The following KIAA1549L variants were observed in gnomAD, a reference collection of about 807,000 sequenced individuals.
KIAA1549L encodes the protein UPF0606 protein KIAA1549L.
Under a neutral mutation model 160.7 loss-of-function variants are expected in KIAA1549L, and 88 were observed. The ratio of observed to expected loss-of-function variants is 0.55; its 90% CI spans 0.46 to 0.65. The LOEUF is 0.65. Ranked by LOEUF, KIAA1549L falls within the 30% of genes least tolerant of loss-of-function variation. KIAA1549L has a pLI of 0.00. For synonymous variants in KIAA1549L, 950 were observed against 976.7 expected (o/e 0.97, Z 0.51); for missense variants, 2,258 against 2,437.5 (o/e 0.93, Z 1.55).
At chr11:33,646,910 CAA>C (rs780356890) in intron 17 of KIAA1549L, among the ~76,000 whole-genome samples, 1 of 141,176 alleles carries the variant, frequency 7.1e-6, no homozygotes, top group African/African-American at 2.6e-5. Flanking sequence ...TTTTAGAGAC[CAA>C]AAAAAAAAAA....
intron 11 of KIAA1549L, among the ~76,000 whole-genome samples, chr11:33,585,248 G>T (rs1414691677): frequency 1.3e-5 from 2 of 152,212 alleles, no homozygotes; most frequent in African/African-American, 2.4e-5. Flanking sequence ...GCCGGGCGCG[G>T]TGGCTCACGC....
chr11:33,585,885 T>C (rs1323338512), intron 11 of KIAA1549L, among the ~76,000 whole-genome samples: 1 of 152,208 alleles, frequency 6.6e-6, no homozygotes, highest in South Asian at 2.1e-4. Context: ...CAAATTTATG[T>C]TCCATGAGTT....
At chr11:33,490,955 A>T (rs1294260787) in intron 1 of KIAA1549L, among the ~76,000 whole-genome samples, 2 of 152,210 alleles carry the variant, frequency 1.3e-5, no homozygotes, top group Non-Finnish European at 2.9e-5. Flanking sequence ...TACTTGTATG[A>T]CAAATAGAAT....
At chr11:33,611,756 C>T (rs1052333623) in intron 15 of KIAA1549L, among the ~76,000 whole-genome samples, 6 of 152,026 alleles carry the variant, frequency 3.9e-5, no homozygotes, top group Admixed American at 1.3e-4. Context: ...ATCAAAGCCA[C>T]GAAATCAAGG....
chr11:33,522,617 G>A (rs1480266176), intron 1 of KIAA1549L, among the ~76,000 whole-genome samples: 2 of 152,250 alleles, frequency 1.3e-5, no homozygotes, highest in East Asian at 1.9e-4. Flanking sequence ...GAACCAATCA[G>A]TATAATAATA....
chr11:33,452,384 G>A (rs1387547472), intron 1 of KIAA1549L, among the ~76,000 whole-genome samples: 1 of 152,192 alleles, frequency 6.6e-6, no homozygotes, highest in Non-Finnish European at 1.5e-5. Context: ...AAGGCAGGTG[G>A]ATCATGAGGT....
At position 33,544,894 on chromosome 11, in the gene KIAA1549L, C is replaced by T. The variant is rs138956370; in HGVS notation, c.2901C>T (p.Ala967=). 280 of 1,613,378 alleles carry T rather than the reference C, an allele frequency of 1.7e-4. No individual in the cohort carries two copies. The highest frequency in any genetic ancestry group is 2.2e-4 in the Non-Finnish European group (256 of 1,179,582). The change falls in exon 3 of 21, where the codon GCC becomes GCT. Residue 967 remains alanine, a synonymous_variant. Transcript: ENST00000658780. ...VAKGTSSSPL[A]VASGPAKSSS... is the part of the protein sequence containing the mutation. ...AGGGCACCAGCAGCAGCCCTTTGGCCGTGGCCTCAGGACCAGCTAAGAGCA... is the reference window on the plus strand; with the variant it reads ...AGGGCACCAGCAGCAGCCCTTTGGCTGTGGCCTCAGGACCAGCTAAGAGCA...
chr11:33,538,266 G>A (rs1023149277), intron 1 of KIAA1549L, among the ~76,000 whole-genome samples: 1 of 152,110 alleles, frequency 6.6e-6, no homozygotes, highest in Non-Finnish European at 1.5e-5. Context: ...TGACATGTGG[G>A]GATTATGAGG....
At chr11:33,459,901 C>T (rs908341859) in intron 1 of KIAA1549L, among the ~76,000 whole-genome samples, 1 of 136,016 alleles carries the variant, frequency 7.4e-6, no homozygotes, top group African/African-American at 2.9e-5. Flanking sequence ...GCAGAGCTTG[C>T]AGTGAGCCGA....
At chr11:33,654,186 A>T (rs1851983527) in intron 17 of KIAA1549L, among the ~76,000 whole-genome samples, 1 of 152,024 alleles carries the variant, frequency 6.6e-6, no homozygotes, top group Non-Finnish European at 1.5e-5. Context: ...GTTAGCCAGG[A>T]TGGTTTCGAT....
intron 19 of KIAA1549L, among the ~76,000 whole-genome samples, chr11:33,660,573 A>AAAG (rs3041992): frequency 0.38 from 57,295 of 151,020 alleles, 11,090 homozygotes; most frequent in East Asian, 0.52. Flanking sequence ...TCAAAAAAAA[A>AAAG]AAAGAAAGAA....
At chr11:33,546,776 C>G (rs539050362) in intron 3 of KIAA1549L, among the ~76,000 whole-genome samples, 1 of 152,204 alleles carries the variant, frequency 6.6e-6, no homozygotes, top group African/African-American at 2.4e-5. Flanking sequence ...CCTGAAACTG[C>G]AGGTAGTACC....
chr11:33,460,431 C>T (rs925914201), intron 1 of KIAA1549L, among the ~76,000 whole-genome samples: 3 of 152,178 alleles, frequency 2.0e-5, no homozygotes, highest in African/African-American at 7.2e-5. Flanking sequence ...AAACAATTCT[C>T]TTTGGTGGGA....
intron 1 of KIAA1549L, among the ~76,000 whole-genome samples, chr11:33,415,194 A>G: frequency 6.6e-6 from 1 of 152,054 alleles, no homozygotes; most frequent in East Asian, 1.9e-4. Context: ...GGCGTTAGAC[A>G]TTTCATATTC....
intron 13 of KIAA1549L, among the ~76,000 whole-genome samples, chr11:33,600,502 A>G (rs920288392): frequency 1.3e-5 from 2 of 152,196 alleles, no homozygotes; most frequent in East Asian, 3.9e-4. Flanking sequence ...CATCTATCCA[A>G]GATGGTGCTT....
In KIAA1549L at chr11:33,408,491, A is replaced by G. The variant is rs4756678; in HGVS notation, c.238+31602A>G. ...ATATATACATACTCTGTATATGTGT[A>G]TATATATATATATATATATACACAT... is the stretch of plus-strand genomic sequence containing the variant. On this transcript the variant is annotated intron_variant, in intron 1 of 20. Coordinates refer to ENST00000658780, the MANE Select transcript of KIAA1549L (RefSeq NM_012194.3). 7.4e-3 allele frequency among the ~76,000 whole-genome samples: 686 copies of G among 92,516 alleles called. 3 individuals are homozygous for G. Among genetic ancestry groups the G allele is most frequent in the Middle Eastern group, 0.017 (3 of 180 alleles). The allele number at this position is 92,516 out of a possible 152,430, so 60.7% of individuals were successfully genotyped here. A position where few individuals can be genotyped will look rare whatever the true frequency, so the allele number is the denominator to read the frequency against.
At chr11:33,487,505 T>C (rs2133060180) in intron 1 of KIAA1549L, among the ~76,000 whole-genome samples, 1 of 151,726 alleles carries the variant, frequency 6.6e-6, no homozygotes, top group African/African-American at 2.4e-5. Context: ...GACAAGGAGC[T>C]TTGGGGAATG....
At chr11:33,405,366 A>G (rs1850623247) in intron 1 of KIAA1549L, among the ~76,000 whole-genome samples, 1 of 152,230 alleles carries the variant, frequency 6.6e-6, no homozygotes, top group Non-Finnish European at 1.5e-5. Flanking sequence ...AAGACATTAC[A>G]GAATGACCAA....
At chr11:33,482,488 TAA>T (rs1457435798) in intron 1 of KIAA1549L, among the ~76,000 whole-genome samples, 15 of 152,168 alleles carry the variant, frequency 9.9e-5, no homozygotes, top group South Asian at 8.3e-4. Context: ...AATTAAAAAT[TAA>T]TGCTGAATTT....
Sources: gnomAD v4.1 joint callset for allele counts (sites outside exome capture counted in the v4.1 genomes callset) on GRCh38, gnomAD v4.1.1 for gene constraint, MANE v1.5 for transcripts, NCBI Gene and HGNC (gene_info 2026-07-23, HGNC 2026-07-21) for gene names.